The following EGFLAM variants were observed in gnomAD, a reference collection of about 807,000 sequenced individuals.
The protein encoded by EGFLAM is pikachurin.
A neutral mutation model predicts 113.1 loss-of-function variants in EGFLAM; 79 were observed. That is an observed-to-expected ratio of 0.70 (90% confidence interval 0.58 to 0.84). EGFLAM has a LOEUF of 0.84. Ranked by LOEUF, EGFLAM falls within the 40% of genes least tolerant of loss-of-function variation. The probability of loss-of-function intolerance (pLI) is 0.00; values close to 1 mark genes in which losing one functional copy is unlikely to be tolerated. For synonymous variants in EGFLAM, 504 were observed against 487.6 expected (o/e 1.03, Z -0.44); for missense variants, 1,265 against 1,291.6 (o/e 0.98, Z 0.32).
intron 5 of EGFLAM, among the ~76,000 whole-genome samples, chr5:38,356,821 C>T (rs1271569984): frequency 1.3e-5 from 2 of 152,166 alleles, no homozygotes; most frequent in African/African-American, 2.4e-5. Context: ...GAGAGCTTTC[C>T]TGGGCTCTAA....
intron 16 of EGFLAM, 60 bp downstream of exon 16, chr5:38,435,313 G>A (rs200939821): frequency 1.6e-6 from 2 of 1,283,288 alleles, no homozygotes; most frequent in Non-Finnish European, 2.3e-6. Context: ...AAGAAAGTGA[G>A]GATTATGATC....
chr5:38,323,733 T>TA (rs35758827), intron 1 of EGFLAM, among the ~76,000 whole-genome samples: 13 of 150,590 alleles, frequency 8.6e-5, no homozygotes, highest in African/African-American at 1.7e-4. Flanking sequence ...ATAACCATTA[T>TA]AAAAAAAAAA....
chr5:38,430,055 G>C (rs1742140698), intron 14 of EGFLAM: 1 of 226,636 alleles, frequency 4.4e-6, no homozygotes, highest in Admixed American at 4.1e-5. Flanking sequence ...GGCTGTAGGG[G>C]CAATCTGACG....
chr5:38,424,996 G>C lies in EGFLAM; in HGVS notation c.1714G>C (p.Ala572Pro), dbSNP rs1417343729. The part of the protein sequence containing the change: ...GECSSGICDE[A>P]SCIHGGTCTA... Reference sequence around the variant, plus strand: ...ATGCAGCAGTGGAATCTGTGATGAGGCCTCGTGCATCCATGGTGGCACCTG... The same window carrying C: ...ATGCAGCAGTGGAATCTGTGATGAGCCCTCGTGCATCCATGGTGGCACCTG... The change falls in exon 13 of 22, where the codon GCC becomes CCC. Residue 572 changes from alanine to proline, a missense_variant. Physicochemically the swap from Ala to Pro is conservative, Grantham distance 27. Transcript: ENST00000322350. 2.5e-6 allele frequency: 4 copies of C among 1,613,832 alleles called. No homozygotes were observed. In the African/African-American group the frequency reaches 4.0e-5, roughly 16 times the overall value.
chr5:38,302,525 A>G (rs1469830636), intron 1 of EGFLAM, among the ~76,000 whole-genome samples: 1 of 152,200 alleles, frequency 6.6e-6, no homozygotes, highest in Non-Finnish European at 1.5e-5. Context: ...ATAAATTTTG[A>G]CATGAAACAA....
intron 1 of EGFLAM, among the ~76,000 whole-genome samples, chr5:38,337,210 A>G (rs1319367363): frequency 6.6e-6 from 1 of 152,200 alleles, no homozygotes; most frequent in Non-Finnish European, 1.5e-5. Context: ...TTTTAGAGTC[A>G]AGTCAGAAGT....
At chr5:38,400,828 C>T (rs888051171) in intron 6 of EGFLAM, among the ~76,000 whole-genome samples, 3 of 152,186 alleles carry the variant, frequency 2.0e-5, no homozygotes, top group African/African-American at 7.2e-5. Flanking sequence ...GGGCGAGTCT[C>T]ATGGATTCTT....
chr5:38,435,887 G>A (rs1328514716), intron 16 of EGFLAM, among the ~76,000 whole-genome samples: 3 of 141,148 alleles, frequency 2.1e-5, no homozygotes, highest in East Asian at 2.1e-4. Context: ...GCGTGATCTC[G>A]GCTCACTGCA....
Position 38,463,848 on chromosome 5 carries a change from T to C in EGFLAM, c.2892T>C (p.Ile964=), listed in dbSNP as rs761479414. Residue 964 remains isoleucine (I), a synonymous_variant, in exon 22 of 22, where the codon ATT becomes ATC. Transcript: ENST00000322350. ...GALYVGGMKE[I]ALHTNRQYMR... ...TCCTGGCAGGTGGAATGAAGGAAAT[T>C]GCTCTGCACACTAACAGGCAATATA... 6.2e-7 allele frequency: 1 copy of C among 1,613,560 alleles called. No individual in the cohort carries two copies. The highest frequency in any genetic ancestry group is 1.7e-5 in the Admixed American group (1 of 60,010).
intron 17 of EGFLAM, among the ~76,000 whole-genome samples, chr5:38,441,546 A>T (rs1409800702): frequency 6.6e-6 from 1 of 152,050 alleles, no homozygotes; most frequent in South Asian, 2.1e-4. Context: ...AATTTCACAA[A>T]GCTCATGTAA....
intron 6 of EGFLAM, among the ~76,000 whole-genome samples, chr5:38,375,041 GTC>G (rs1740326575): frequency 7.2e-6 from 1 of 138,842 alleles, no homozygotes; most frequent in South Asian, 2.2e-4. Flanking sequence ...TTGGTAGATT[GTC>G]TGTTTACTCT....
At chr5:38,272,392 A>C (rs1237210556) in intron 1 of EGFLAM, among the ~76,000 whole-genome samples, 1 of 152,212 alleles carries the variant, frequency 6.6e-6, no homozygotes, top group Non-Finnish European at 1.5e-5. Flanking sequence ...AAACCAAAGG[A>C]AAGAGAGGCT....
intron 11 of EGFLAM, among the ~76,000 whole-genome samples, chr5:38,416,085 A>T (rs1741633036): frequency 6.6e-6 from 1 of 152,158 alleles, no homozygotes; most frequent in Non-Finnish European, 1.5e-5. Flanking sequence ...AAGTAATTGC[A>T]AGAAGCATGT....
intron 15 of EGFLAM, among the ~76,000 whole-genome samples, chr5:38,434,320 A>G (rs1310270357): frequency 6.6e-6 from 1 of 152,288 alleles, no homozygotes; most frequent in East Asian, 1.9e-4. Context: ...CCACCTGTAC[A>G]GTTCTTCCCA....
At chr5:38,320,729 C>A (rs1407606222) in intron 1 of EGFLAM, among the ~76,000 whole-genome samples, 3 of 152,036 alleles carry the variant, frequency 2.0e-5, no homozygotes, top group African/African-American at 7.2e-5. Flanking sequence ...CAACCTGGGA[C>A]CCCTCTGGGA....
At chr5:38,343,874 T>C (rs1179596103) in intron 3 of EGFLAM, among the ~76,000 whole-genome samples, 1 of 152,212 alleles carries the variant, frequency 6.6e-6, no homozygotes, top group Non-Finnish European at 1.5e-5. Context: ...ACTTTCAGTG[T>C]TGAATCTTTG....
chr5:38,367,049 C>T (rs956420765), intron 5 of EGFLAM, among the ~76,000 whole-genome samples: 2 of 152,196 alleles, frequency 1.3e-5, no homozygotes, highest in African/African-American at 4.8e-5. Context: ...AAAGCTGAGC[C>T]ACTGATCTCC....
intron 6 of EGFLAM, among the ~76,000 whole-genome samples, chr5:38,400,209 T>A (rs1741070685): frequency 6.6e-6 from 1 of 152,186 alleles, no homozygotes; most frequent in Non-Finnish European, 1.5e-5. Context: ...TCCAACTACA[T>A]CATGTTGATA....
intron 17 of EGFLAM, among the ~76,000 whole-genome samples, chr5:38,440,895 C>T (rs1430094405): frequency 1.3e-5 from 2 of 152,160 alleles, no homozygotes; most frequent in East Asian, 1.9e-4. Flanking sequence ...CTTTTTCAGC[C>T]TCATCAGAGA....
Sources: gnomAD v4.1 joint callset for allele counts (sites outside exome capture counted in the v4.1 genomes callset) on GRCh38, gnomAD v4.1.1 for gene constraint, MANE v1.5 for transcripts, NCBI Gene and HGNC (gene_info 2026-07-23, HGNC 2026-07-21) for gene names.